SORCS3: variants seen among roughly 807,000 people sequenced by gnomAD.
The protein encoded by SORCS3 is sortilin related VPS10 domain containing receptor 3, also known as VPS10 domain-containing receptor SorCS3.
SORCS3 carries 57 observed loss-of-function variants against 146.3 expected under a neutral mutation model. The observed-to-expected ratio is 0.39, with a 90% CI of 0.31 to 0.49. The LOEUF is 0.49. Among genes scored for constraint, SORCS3 ranks in the 20% least tolerant of loss-of-function variants. The pLI, the probability that SORCS3 is intolerant of heterozygous loss-of-function variation, is 0.92. For synonymous variants in SORCS3, 653 were observed against 618.5 expected (o/e 1.06, Z -0.83); for missense variants, 1,341 against 1,575.5 (o/e 0.85, Z 2.52).
chr10:104,725,589 G>A (rs1260068762), intron 1 of SORCS3, among the ~76,000 whole-genome samples: 3 of 152,216 alleles, frequency 2.0e-5, no homozygotes, highest in Admixed American at 2.0e-4. Context: ...GTCTATAGAG[G>A]CAGGCAGGCC....
intron 1 of SORCS3, among the ~76,000 whole-genome samples, chr10:104,837,882 G>C (rs1395844390): frequency 6.6e-6 from 1 of 152,160 alleles, no homozygotes; most frequent in African/African-American, 2.4e-5. Context: ...CTGAGTAGAG[G>C]AGCATCACGT....
At chr10:105,247,066 C>T (rs2056870678) in intron 21 of SORCS3, among the ~76,000 whole-genome samples, 153 bp from the exon 22 acceptor site, 1 of 152,188 alleles carries the variant, frequency 6.6e-6, no homozygotes, top group Non-Finnish European at 1.5e-5. Context: ...TTTCAGAAGT[C>T]AGGAAACAAG....
intron 3 of SORCS3, among the ~76,000 whole-genome samples, chr10:104,966,949 A>C (rs1262504793): frequency 6.7e-6 from 1 of 148,374 alleles, no homozygotes; most frequent in East Asian, 1.9e-4. Context: ...TTCAGAAAGC[A>C]TTACAAGTTT....
chr10:104,785,034 C>T (rs1003963472), intron 1 of SORCS3, among the ~76,000 whole-genome samples: 6 of 152,018 alleles, frequency 3.9e-5, no homozygotes, highest in Admixed American at 6.5e-5. Context: ...CGGGCAGAGG[C>T]GCCCCTCACC....
intron 1 of SORCS3, among the ~76,000 whole-genome samples, chr10:104,777,794 G>A (rs2017326642): frequency 6.6e-6 from 1 of 152,204 alleles, no homozygotes; most frequent in Admixed American, 6.5e-5. Flanking sequence ...CAGTGGGACT[G>A]CAGTGAGGGT....
At chr10:104,905,838 C>T (rs777888489) in intron 2 of SORCS3, among the ~76,000 whole-genome samples, 6 of 152,212 alleles carry the variant, frequency 3.9e-5, no homozygotes, top group Non-Finnish European at 7.4e-5. Flanking sequence ...TCTTCTCTCC[C>T]GGGCTGAAGA....
intron 1 of SORCS3, among the ~76,000 whole-genome samples, chr10:104,732,236 C>T (rs2016714313): frequency 1.3e-5 from 2 of 152,120 alleles, no homozygotes; most frequent in Non-Finnish European, 2.9e-5. Context: ...CAAGAAAGGG[C>T]TTAGGCAAGG....
chr10:105,219,897 T>C (rs2056689374), intron 19 of SORCS3, among the ~76,000 whole-genome samples: 1 of 152,192 alleles, frequency 6.6e-6, no homozygotes, highest in African/African-American at 2.4e-5. Flanking sequence ...GTGGCTTATG[T>C]GCATGAGGGA....
At chr10:104,973,847 C>T (rs1336198732) in intron 3 of SORCS3, among the ~76,000 whole-genome samples, 1 of 147,514 alleles carries the variant, frequency 6.8e-6, no homozygotes, top group Non-Finnish European at 1.5e-5. Context: ...CTATAAATTT[C>T]CCTCTACACA....
At chr10:104,808,917 A>G (rs1372697502) in intron 1 of SORCS3, among the ~76,000 whole-genome samples, 1 of 152,228 alleles carries the variant, frequency 6.6e-6, no homozygotes, top group Non-Finnish European at 1.5e-5. Context: ...GGTGATAGAA[A>G]TAGAAGTAAA....
chr10:104,674,588 C>T (rs1419792651), intron 1 of SORCS3, among the ~76,000 whole-genome samples: 1 of 152,198 alleles, frequency 6.6e-6, no homozygotes, highest in East Asian at 1.9e-4. Context: ...TGGCTGACAT[C>T]TTTCGTAATG....
At chr10:105,106,198 G>T (rs1347215947) in intron 7 of SORCS3, among the ~76,000 whole-genome samples, 1 of 152,168 alleles carries the variant, frequency 6.6e-6, no homozygotes, top group Non-Finnish European at 1.5e-5. Flanking sequence ...GTATTTGATT[G>T]CAACCTTGAT....
chr10:104,774,265 C>G (rs187041398), intron 1 of SORCS3, among the ~76,000 whole-genome samples: 1 of 152,162 alleles, frequency 6.6e-6, no homozygotes, highest in South Asian at 2.1e-4. Flanking sequence ...CCCAGCCCTT[C>G]CCTGGGACAG....
intron 1 of SORCS3, among the ~76,000 whole-genome samples, chr10:104,661,695 A>AGATG (rs1463721243): frequency 6.6e-6 from 1 of 152,030 alleles, no homozygotes; most frequent in African/African-American, 2.4e-5. Context: ...ATAGATAGAT[A>AGATG]GATAGACAGA....
At chr10:104,799,342 C>T (rs2017596586) in intron 1 of SORCS3, among the ~76,000 whole-genome samples, 1 of 152,170 alleles carries the variant, frequency 6.6e-6, no homozygotes, top group Non-Finnish European at 1.5e-5. Context: ...GGCATATATA[C>T]ACCATGGAAT....
intron 4 of SORCS3, among the ~76,000 whole-genome samples, chr10:105,000,743 C>G (rs1443738272): frequency 6.6e-6 from 1 of 152,116 alleles, no homozygotes; most frequent in African/African-American, 2.4e-5. Flanking sequence ...CAGATAGTGG[C>G]CAACATATTG....
In SORCS3 at chr10:105,263,620, G is replaced by T; in HGVS notation, c.*246G>T. The stretch of plus-strand genomic sequence containing the variant: ...GGATGCATCTTCCCACAGCCTCCTC[G>T]CTTTACTCTGCCATTGGTAGCTTAA... On this transcript the variant is annotated 3_prime_UTR_variant, in exon 27 of 27. Transcript: ENST00000369701. 6.4e-6 allele frequency: 3 copies of T among 466,164 alleles called. No individual in the cohort carries two copies. The highest frequency in any genetic ancestry group is 2.0e-5 in the African/African-American group (1 of 50,752). 28.9% of individuals were successfully genotyped at this position (466,164 alleles called of 1,614,324 possible).
intron 14 of SORCS3, among the ~76,000 whole-genome samples, chr10:105,189,032 C>T (rs999815265): frequency 6.6e-6 from 1 of 152,170 alleles, no homozygotes; most frequent in Non-Finnish European, 1.5e-5. Context: ...TGTATGTAGC[C>T]AGAGTGGGTC....
intron 1 of SORCS3, among the ~76,000 whole-genome samples, chr10:104,820,542 C>T (rs1034043433): frequency 1.3e-5 from 2 of 152,088 alleles, no homozygotes; most frequent in Non-Finnish European, 1.5e-5. Context: ...TTTTGAACAC[C>T]TACTGTGGAT....
Sources: allele counts gnomAD v4.1 joint callset (sites outside exome capture counted in the v4.1 genomes callset), GRCh38; gene constraint gnomAD v4.1.1; transcripts MANE v1.5; gene names NCBI Gene and HGNC (gene_info 2026-07-23, HGNC 2026-07-21).